MEIS2: variants seen among roughly 807,000 people sequenced by gnomAD.
The protein encoded by MEIS2 is Meis homeobox 2.
A neutral mutation model predicts 58.6 loss-of-function variants in MEIS2; 9 were observed. The observed-to-expected ratio is 0.15, with a 90% CI of 0.09 to 0.27. The LOEUF (loss-of-function observed/expected upper bound fraction) is 0.27. Among genes scored for constraint, MEIS2 ranks in the 10% least tolerant of loss-of-function variants. The pLI is 1.00. For synonymous variants in MEIS2, 221 were observed against 228.4 expected (o/e 0.97, Z 0.29); for missense variants, 427 against 635.0 (o/e 0.67, Z 3.52).
chr15:36,925,156 C>T (rs1302659896), intron 9 of MEIS2, among the ~76,000 whole-genome samples: 2 of 151,774 alleles, frequency 1.3e-5, no homozygotes, highest in African/African-American at 4.8e-5. Context: ...AAAACAGGAA[C>T]AGAAAGAAAA....
intron 9 of MEIS2, among the ~76,000 whole-genome samples, chr15:36,927,754 T>C (rs1239496565): frequency 4.6e-5 from 7 of 152,198 alleles, no homozygotes; most frequent in Non-Finnish European, 7.3e-5. Flanking sequence ...AACTTAAATC[T>C]CTGAAAATAA....
At chr15:37,042,918 A>G (rs1016863510) in intron 7 of MEIS2, among the ~76,000 whole-genome samples, 1 of 152,220 alleles carries the variant, frequency 6.6e-6, no homozygotes, top group African/African-American at 2.4e-5. Flanking sequence ...ATGAAGTAGG[A>G]TCTCATGGGC....
intron 8 of MEIS2, among the ~76,000 whole-genome samples, chr15:36,970,947 ATG>A (rs1485212301): frequency 3.3e-5 from 5 of 152,184 alleles, no homozygotes; most frequent in Non-Finnish European, 7.3e-5. Flanking sequence ...GTAATATAAA[ATG>A]TGTTTAAAGC....
At chr15:37,034,183 A>G (rs1202193403) in intron 8 of MEIS2, among the ~76,000 whole-genome samples, 1 of 152,198 alleles carries the variant, frequency 6.6e-6, no homozygotes, top group East Asian at 1.9e-4. Context: ...CTCTGACTAA[A>G]TGTCCTTGAG....
intron 8 of MEIS2, among the ~76,000 whole-genome samples, chr15:36,960,125 C>G (rs374535254): frequency 1.4e-4 from 22 of 152,210 alleles, no homozygotes; most frequent in African/African-American, 5.3e-4. Context: ...TTTACTTGCA[C>G]AGATTATGCT....
intron 7 of MEIS2, among the ~76,000 whole-genome samples, chr15:37,069,998 A>G (rs2141869697): frequency 6.6e-6 from 1 of 152,176 alleles, no homozygotes; most frequent in South Asian, 2.1e-4. Context: ...CTCCAACTCA[A>G]TGGCCGCTTA....
At chr15:37,053,925 T>C (rs1176839282) in intron 7 of MEIS2, among the ~76,000 whole-genome samples, 1 of 152,210 alleles carries the variant, frequency 6.6e-6, no homozygotes, top group Non-Finnish European at 1.5e-5. Context: ...TTTTCAGCTG[T>C]CAAATAATTC....
chr15:37,078,350 C>A (rs1355821267), intron 7 of MEIS2, among the ~76,000 whole-genome samples: 2 of 150,316 alleles, frequency 1.3e-5, no homozygotes, highest in Non-Finnish European at 1.5e-5. Context: ...GCTTTTCTTT[C>A]TTTGACTTAT....
intron 8 of MEIS2, among the ~76,000 whole-genome samples, chr15:37,035,956 A>C (rs2062132645): frequency 6.6e-6 from 1 of 152,258 alleles, no homozygotes. Flanking sequence ...AATGGCCTGA[A>C]AACAATATTA....
intron 9 of MEIS2, among the ~76,000 whole-genome samples, chr15:36,906,302 A>C (rs1414474077): frequency 6.6e-6 from 1 of 152,176 alleles, no homozygotes; most frequent in Non-Finnish European, 1.5e-5. Flanking sequence ...ACTGATGAGA[A>C]TCTAGAAGCT....
At chr15:37,005,598 C>G (rs2060893158) in intron 8 of MEIS2, among the ~76,000 whole-genome samples, 1 of 152,194 alleles carries the variant, frequency 6.6e-6, no homozygotes, top group Non-Finnish European at 1.5e-5. Context: ...AGGTCTCCCT[C>G]TGTCAACCAG....
chr15:37,093,980 A>T (rs1019982047), intron 5 of MEIS2: 1 of 461,164 alleles, frequency 2.2e-6, no homozygotes, highest in Non-Finnish European at 3.9e-6. Context: ...GAGAGAAAGA[A>T]ACAGGACTGG....
chr15:37,098,282 A>C (rs931506583), intron 1 of MEIS2, 83 bp from the exon 2 acceptor site: 85 of 1,440,372 alleles, frequency 5.9e-5, no homozygotes, highest in Non-Finnish European at 7.3e-5. Context: ...AAGAGCAGGG[A>C]GAAGAGGGCG....
intron 3 of MEIS2, chr15:37,096,040 A>G: frequency 2.1e-6 from 1 of 482,046 alleles, no homozygotes; most frequent in Non-Finnish European, 3.7e-6. Flanking sequence ...GCCCCAGATT[A>G]GGAGCAGGTC....
chr15:37,062,656 C>A (rs996102607), intron 7 of MEIS2, among the ~76,000 whole-genome samples: 1 of 152,174 alleles, frequency 6.6e-6, no homozygotes, highest in African/African-American at 2.4e-5. Context: ...CCAATCAGAT[C>A]CTTCACAAAT....
chr15:37,094,647 G>T (rs868370715), intron 4 of MEIS2, 70 bp from the exon 5 acceptor site: 16 of 1,394,662 alleles, frequency 1.1e-5, no homozygotes, highest in Middle Eastern at 1.8e-4. Flanking sequence ...GGTTGGGAGT[G>T]GGGTGAGGAT....
At chr15:36,967,482 A>G (rs945022930) in intron 8 of MEIS2, among the ~76,000 whole-genome samples, 2 of 152,276 alleles carry the variant, frequency 1.3e-5, no homozygotes, top group East Asian at 1.9e-4. Context: ...ACTGATCTTC[A>G]TGTCTCTAAA....
intron 9 of MEIS2, among the ~76,000 whole-genome samples, chr15:36,937,406 T>C (rs1162953545): frequency 6.6e-6 from 1 of 152,202 alleles, no homozygotes; most frequent in Admixed American, 6.5e-5. Flanking sequence ...TGAGTTTGTT[T>C]GCTCTTCTGA....
chr15:36,981,875 C>T (rs1359749164), intron 8 of MEIS2, among the ~76,000 whole-genome samples: 1 of 152,078 alleles, frequency 6.6e-6, no homozygotes, highest in Non-Finnish European at 1.5e-5. Context: ...ACATCATTTT[C>T]TCCTGACCTT....
Sources: gnomAD v4.1 joint callset for allele counts (sites outside exome capture counted in the v4.1 genomes callset) on GRCh38, gnomAD v4.1.1 for gene constraint, MANE v1.5 for transcripts, NCBI Gene and HGNC (gene_info 2026-07-23, HGNC 2026-07-21) for gene names.